RBM19: variants seen among roughly 807,000 people sequenced by gnomAD.
RBM19 encodes the protein probable RNA-binding protein 19.
Under a neutral mutation model 116.8 loss-of-function variants are expected in RBM19, and 94 were observed. The ratio of observed to expected loss-of-function variants is 0.80; its 90% CI spans 0.68 to 0.95. The LOEUF is 0.95. Ranked by LOEUF, RBM19 falls within the 40% of genes least tolerant of loss-of-function variation. RBM19 has a pLI of 0.00. For synonymous variants in RBM19, 475 were observed against 494.1 expected, an observed-to-expected ratio of 0.96 and a Z score of 0.51; for missense variants, 1,161 against 1,220.7, an observed-to-expected ratio of 0.95 and a Z score of 0.73.
In RBM19 at chr12:113,926,374, C is replaced by A. The variant is rs76604215; in HGVS notation, c.2244+680G>T. On this transcript the variant is annotated intron_variant, in intron 17 of 23. Transcript: ENST00000261741. ...TTATTCATTAAAACAGAACAAAAAA[C>A]TGAAAAACCCACTGAGTGTTTATTC... 3.0e-3 allele frequency among the ~76,000 whole-genome samples: 459 copies of A among 152,318 alleles called. 16 individuals carry two copies. The East Asian group carries it at 0.076, about 25-fold the overall frequency.
In RBM19 at chr12:113,852,011, A is replaced by C. The variant is rs914333080; in HGVS notation, c.2664+6780T>G. 6.6e-5 allele frequency among the ~76,000 whole-genome samples: 10 copies of C among 152,056 alleles called. No homozygotes were observed. The East Asian group carries it at 1.7e-3, about 26-fold the overall frequency. ...GGTTGCAGGGAGCAGAGAACATGCC[A>C]CTGCACTCCAGCCTGAGCGACAGAA... On this transcript the variant is annotated intron_variant, in intron 22 of 23. Coordinates refer to ENST00000261741, the MANE Select transcript of RBM19 (RefSeq NM_016196.4).
rs1331277443 is a variant in RBM19 at position 113,959,367 on chromosome 12, A to G, written c.416T>C (p.Val139Ala). The G allele has an allele frequency of 6.2e-6, 10 of 1,611,428 alleles. No homozygotes were observed. The Admixed American group carries it at 1.0e-4, about 16-fold the overall frequency. ...EDTEFQEFLS[V>A]HQRRAQAATW... ...GGCTGCCTGCGCCCGCCTCTGATGA[A>G]CTGACAGAAACTCCTGGAACTCTGT... Residue 139 changes from valine to alanine, a missense_variant, in exon 5 of 24, where the codon GTT (valine) becomes GCT (alanine). Physicochemically the swap from Val to Ala is moderately conservative, Grantham distance 64 (BLOSUM62 0). Coordinates refer to ENST00000261741, the MANE Select transcript of RBM19 (RefSeq NM_016196.4).
intron 23 of RBM19, among the ~76,000 whole-genome samples, chr12:113,843,321 T>C (rs1314900803): frequency 6.6e-6 from 1 of 152,104 alleles, no homozygotes; most frequent in Non-Finnish European, 1.5e-5. Context: ...GGCCCTGAGC[T>C]GCCCCACAGA....
At chr12:113,832,164 C>G (rs1263344290) in intron 23 of RBM19, among the ~76,000 whole-genome samples, 2 of 151,900 alleles carry the variant, frequency 1.3e-5, no homozygotes, top group Non-Finnish European at 2.9e-5. Flanking sequence ...AACACACTAC[C>G]CTGAACACAA....
chr12:113,902,716 T>A (rs1056349927), intron 21 of RBM19, among the ~76,000 whole-genome samples: 1 of 152,220 alleles, frequency 6.6e-6, no homozygotes, highest in African/African-American at 2.4e-5. Flanking sequence ...CGTTGTTTTG[T>A]GAATCAATAG....
In RBM19 at chr12:113,959,204, G is replaced by T. The variant is rs1872259431; in HGVS notation, c.571+8C>A. On this transcript the variant is annotated splice_region_variant and intron_variant, in intron 5 of 23. Coordinates refer to ENST00000261741, the MANE Select transcript of RBM19 (RefSeq NM_016196.4). ...TGCGCATGGAGCACACAGTCCCCAT[G>T]CCCTCACCTTCCAGGTCCTCCCCGG... 1.2e-6 allele frequency: 2 copies of T among 1,606,548 alleles called. No homozygotes were observed. Among genetic ancestry groups the T allele is most frequent in the African/African-American group, 2.7e-5 (2 of 74,810 alleles).
At chr12:113,916,315 G>C (rs1246239814) in intron 20 of RBM19, among the ~76,000 whole-genome samples, 1 of 152,196 alleles carries the variant, frequency 6.6e-6, no homozygotes, top group Non-Finnish European at 1.5e-5. Flanking sequence ...GCTGAGGCAC[G>C]AGAATTGCTT....
rs1008703866 is a variant in RBM19 at position 113,955,051 on chromosome 12, T to C, written c.921+80A>G. On this transcript the variant is annotated intron_variant, in intron 7 of 23. Transcript: ENST00000261741. Reference sequence around the variant, plus strand: ...TCCTCAACCGACTCTAATGCCCCCATGCACCAAAGGCTCCTGGCCTCCCCA... The same window carrying C: ...TCCTCAACCGACTCTAATGCCCCCACGCACCAAAGGCTCCTGGCCTCCCCA... 62 of 1,402,448 alleles carry C rather than the reference T, an allele frequency of 4.4e-5. No homozygotes were observed. The highest frequency in any genetic ancestry group is 5.5e-5 in the Non-Finnish European group (54 of 990,058). 86.9% of individuals were successfully genotyped at this position (1,402,448 alleles called of 1,614,324 possible). A position where few individuals can be genotyped will look rare whatever the true frequency, so the allele number is the denominator to read the frequency against.
At chr12:113,935,885 A>C (rs1166460786) in intron 16 of RBM19, among the ~76,000 whole-genome samples, 1 of 152,000 alleles carries the variant, frequency 6.6e-6, no homozygotes, top group Admixed American at 6.6e-5. Context: ...AATACAAAAA[A>C]ATTAGCCAGG....
At chr12:113,858,761 G>A (rs1457234634) in intron 22 of RBM19, 30 bp downstream of exon 22, 2 of 1,602,592 alleles carry the variant, frequency 1.2e-6, no homozygotes, top group African/African-American at 2.7e-5. Context: ...GGGAGGCCTG[G>A]ACAGGTGGGG....
rs1186602774 is a variant in RBM19, at chr12:113,823,087, G to A, written c.*137C>T. ...GCCTTCCTCATCCCCTGTCTCCTCC[G>A]ACCTTGGACCAGTGCAGGGTGGGGC... On this transcript the variant is annotated 3_prime_UTR_variant, in exon 24 of 24. Coordinates refer to ENST00000261741, the MANE Select transcript of RBM19 (RefSeq NM_016196.4). The A allele has an allele frequency of 1.0e-4, 77 of 741,726 alleles. 1 individual carries two copies. The Admixed American group carries it at 1.1e-3, about 10-fold the overall frequency. 45.9% of individuals were successfully genotyped at this position (741,726 alleles called of 1,614,324 possible). A position where few individuals can be genotyped will look rare whatever the true frequency, so the allele number is the denominator to read the frequency against.
intron 21 of RBM19, among the ~76,000 whole-genome samples, chr12:113,860,843 A>T (rs117084612): frequency 9.2e-5 from 14 of 152,200 alleles, no homozygotes; most frequent in Non-Finnish European, 1.9e-4. Context: ...TCATCACTGG[A>T]CCTGTGTCAG....
chr12:113,963,031 A>G (rs1052459153), intron 1 of RBM19, among the ~76,000 whole-genome samples: 6 of 152,202 alleles, frequency 3.9e-5, no homozygotes, highest in Admixed American at 3.9e-4. Context: ...TTGGCTCCAA[A>G]TATGGAGTAT....
At chr12:113,931,985 T>C (rs1593606423) in intron 16 of RBM19, among the ~76,000 whole-genome samples, 2 of 152,368 alleles carry the variant, frequency 1.3e-5, no homozygotes, top group East Asian at 3.9e-4. Context: ...CAGTTGGCAC[T>C]GAATCTCCAG....
intron 16 of RBM19, chr12:113,932,788 G>A (rs955083669): frequency 6.6e-6 from 1 of 152,220 alleles, no homozygotes; most frequent in Non-Finnish European, 1.5e-5. Context: ...AGAAAAAGAG[G>A]GAAGAAGTGA....
At chr12:113,952,668 C>A in intron 7 of RBM19, 78 bp from the exon 8 acceptor site, 1 of 1,163,676 alleles carries the variant, frequency 8.6e-7, no homozygotes, top group Non-Finnish European at 1.3e-6. Flanking sequence ...GGGCAAATTT[C>A]TAAATCAGAA....
At position 113,858,794 on chromosome 12, in the gene RBM19, C is replaced by T. The variant is rs544451875; in HGVS notation, c.2661G>A (p.Ala887=). The change falls in exon 22 of 24, where the codon GCG becomes GCA. Residue 887 remains alanine (A), a synonymous_variant. Coordinates refer to ENST00000261741, the MANE Select transcript of RBM19 (RefSeq NM_016196.4). ...GFVDFLTKQD[A]KRAFNALCHS... ...GGGAAGGGATTCACGGTCTCACCTT[C>T]GCATCCTGCTTGGTGAGGAAGTCCA... The T allele has an allele frequency of 3.5e-5, 56 of 1,613,706 alleles. No homozygotes were observed. Among genetic ancestry groups the T allele is most frequent in the South Asian group, 3.3e-4 (30 of 91,066 alleles).
Position 113,942,444 on chromosome 12 carries a change from A to G in RBM19, c.1627-10T>C. 1 of 1,597,812 alleles carries G rather than the reference A, an allele frequency of 6.3e-7. No individual in the cohort carries two copies. The highest frequency in any genetic ancestry group is 8.5e-7 in the Non-Finnish European group (1 of 1,176,444). On this transcript the variant is annotated splice_polypyrimidine_tract_variant and intron_variant, in intron 13 of 23. Transcript: ENST00000261741. ...CGCTGCCCTTGGTCTCCTGTGGAAG[A>G]GGAAAGGAAGAGTTCTGGTTGGCTG...
At chr12:113,907,077 C>T (rs1882099529) in intron 21 of RBM19, among the ~76,000 whole-genome samples, 1 of 152,140 alleles carries the variant, frequency 6.6e-6, no homozygotes, top group Non-Finnish European at 1.5e-5. Context: ...GCCCTGCCCA[C>T]ACCTTGAACT....
Sources: gnomAD v4.1 joint callset for allele counts (sites outside exome capture counted in the v4.1 genomes callset) on GRCh38, gnomAD v4.1.1 for gene constraint, MANE v1.5 for transcripts, NCBI Gene and HGNC (gene_info 2026-07-23, HGNC 2026-07-21) for gene names.